FBXL7: variants seen among roughly 807,000 people sequenced by gnomAD.
FBXL7 encodes F-box and leucine rich repeat protein 7.
A neutral mutation model predicts 38.3 loss-of-function variants in FBXL7; 12 were observed. The observed-to-expected ratio is 0.31, with a 90% confidence interval of 0.20 to 0.51. The LOEUF (loss-of-function observed/expected upper bound fraction) is 0.51, where lower values mean the gene tolerates loss of function less well. Ranked by LOEUF, FBXL7 falls within the 20% of genes least tolerant of loss-of-function variation. The probability of loss-of-function intolerance (pLI) is 0.98; values close to 1 mark genes in which losing one functional copy is unlikely to be tolerated. For synonymous variants in FBXL7, 297 were observed against 300.9 expected (o/e 0.99, Z 0.13); for missense variants, 567 against 676.4 (o/e 0.84, Z 1.79).
chr5:15,756,950 T>C (rs527844889), intron 2 of FBXL7, among the ~76,000 whole-genome samples: 1 of 152,276 alleles, frequency 6.6e-6, no homozygotes, highest in South Asian at 2.1e-4. Flanking sequence ...TCTGTAAAAA[T>C]CAGGGCCAAT....
chr5:15,671,352 A>G (rs1475466400), intron 2 of FBXL7, among the ~76,000 whole-genome samples: 2 of 152,200 alleles, frequency 1.3e-5, no homozygotes, highest in East Asian at 3.9e-4. Flanking sequence ...CACACTGAGC[A>G]CTGGATATTT....
At chr5:15,652,067 G>A (rs1408338572) in intron 2 of FBXL7, among the ~76,000 whole-genome samples, 5 of 152,124 alleles carry the variant, frequency 3.3e-5, no homozygotes, top group African/African-American at 1.2e-4. Context: ...TTCTTCTGCA[G>A]CATTCTCACT....
At chr5:15,597,658 C>T (rs983035855) in intron 1 of FBXL7, among the ~76,000 whole-genome samples, 2 of 148,186 alleles carry the variant, frequency 1.3e-5, no homozygotes, top group African/African-American at 4.9e-5. Flanking sequence ...AGCTTCAATC[C>T]CTGGCCCTGT....
Position 15,575,565 on chromosome 5 carries a change from G to A in FBXL7, c.38-40418G>A, listed in dbSNP as rs114199784. ...TTAGATTAGATGTTCCCATTCTGGT[G>A]GCTTCATATTATAAGTCTGTGATAA... On this transcript the variant is annotated intron_variant, in intron 1 of 3. Transcript: ENST00000504595. Among the ~76,000 whole-genome samples the A allele has an allele frequency of 4.1e-3, 620 of 152,262 alleles. 10 individuals carry two copies. The highest frequency in any genetic ancestry group is 0.038 in the South Asian group (184 of 4,828).
intron 1 of FBXL7, among the ~76,000 whole-genome samples, chr5:15,524,130 CT>C (rs796999903): frequency 9.9e-5 from 15 of 152,106 alleles, no homozygotes; most frequent in Middle Eastern, 3.4e-3. Flanking sequence ...ATTTTATGCA[CT>C]TTTTTTTCCC....
chr5:15,809,287 A>C (rs1429913649), intron 2 of FBXL7, among the ~76,000 whole-genome samples: 1 of 151,938 alleles, frequency 6.6e-6, no homozygotes, highest in Non-Finnish European at 1.5e-5. Context: ...GAACTTGCAG[A>C]CTCCTTCAGG....
At chr5:15,795,614 G>A (rs1455947974) in intron 2 of FBXL7, among the ~76,000 whole-genome samples, 4 of 152,208 alleles carry the variant, frequency 2.6e-5, no homozygotes, top group African/African-American at 9.6e-5. Flanking sequence ...CTCAGTCACA[G>A]AGTTATCTGC....
In FBXL7 at chr5:15,927,938, T is replaced by G. The variant is rs1022394934; in HGVS notation, c.176T>G (p.Ile59Arg). ...RTLSTPSPAL[I>R]CPPNLPGFQN... ...CTGAGCACGCCCAGCCCAGCCCTGA[T>G]ATGTCCACCGAATCTCCCAGGATTT... Residue 59 changes from isoleucine (I) to arginine (R), a missense_variant, in exon 3 of 4, where the codon ATA (isoleucine) becomes AGA (arginine). Coordinates refer to ENST00000504595, the MANE Select transcript of FBXL7 (RefSeq NM_012304.5). 4.5e-6 allele frequency: 7 copies of G among 1,560,620 alleles called. No individual in the cohort carries two copies. Among genetic ancestry groups the G allele is most frequent in the Non-Finnish European group, 6.1e-6 (7 of 1,151,770 alleles).
Position 15,629,036 on chromosome 5 carries a change from G to C in FBXL7, c.127+12964G>C, listed in dbSNP as rs116197107. Among the ~76,000 whole-genome samples, 1,437 of 152,142 alleles carry C rather than the reference G, an allele frequency of 9.4e-3. 24 individuals are homozygous for C. The highest frequency in any genetic ancestry group is 0.033 in the African/African-American group (1,379 of 41,500). ...CTCATGCATGTAATCTGTGCACTTT[G>C]GGAGGCTGAGGTGGGAGGGTTGCTT... On this transcript the variant is annotated intron_variant, in intron 2 of 3. Coordinates refer to ENST00000504595, the MANE Select transcript of FBXL7 (RefSeq NM_012304.5).
chr5:15,837,349 T>C (rs1165912505), intron 2 of FBXL7, among the ~76,000 whole-genome samples: 1 of 152,186 alleles, frequency 6.6e-6, no homozygotes, highest in Non-Finnish European at 1.5e-5. Context: ...TCAAAGTTCA[T>C]AGAAGAAATT....
At chr5:15,861,552 A>AT (rs527575250) in intron 2 of FBXL7, among the ~76,000 whole-genome samples, 101 of 152,350 alleles carry the variant, frequency 6.6e-4, no homozygotes, top group African/African-American at 2.4e-3. Context: ...GCCACTGAGC[A>AT]TAGAGGACTG....
At chr5:15,680,471 T>A (rs552367442) in intron 2 of FBXL7, among the ~76,000 whole-genome samples, 1 of 152,192 alleles carries the variant, frequency 6.6e-6, no homozygotes, top group East Asian at 1.9e-4. Context: ...TCCTGACTTA[T>A]AACCAAATAG....
chr5:15,879,302 C>T (rs1740344622), intron 2 of FBXL7, among the ~76,000 whole-genome samples: 1 of 152,114 alleles, frequency 6.6e-6, no homozygotes. Flanking sequence ...GGTTTAATCT[C>T]CTTCTTTCTA....
intron 2 of FBXL7, among the ~76,000 whole-genome samples, chr5:15,834,430 A>G (rs954115001): frequency 6.6e-6 from 1 of 152,126 alleles, no homozygotes; most frequent in African/African-American, 2.4e-5. Context: ...TGGCTCCCTC[A>G]TTAAGGTGTT....
chr5:15,665,359 C>T (rs1371166006), intron 2 of FBXL7, among the ~76,000 whole-genome samples: 1 of 152,174 alleles, frequency 6.6e-6, no homozygotes, highest in African/African-American at 2.4e-5. Flanking sequence ...AAAACCATGA[C>T]ATTTTACGTG....
chr5:15,626,395 G>T (rs1740819218), intron 2 of FBXL7, among the ~76,000 whole-genome samples: 1 of 152,136 alleles, frequency 6.6e-6, no homozygotes, highest in African/African-American at 2.4e-5. Flanking sequence ...CAGAAAATTG[G>T]TTTGTAAGCC....
chr5:15,542,884 T>G (rs1447390706), intron 1 of FBXL7, among the ~76,000 whole-genome samples: 1 of 152,230 alleles, frequency 6.6e-6, no homozygotes, highest in Admixed American at 6.5e-5. Flanking sequence ...ATCAGAGTTG[T>G]GCTTTCAGAG....
At chr5:15,696,058 T>C (rs1057243356) in intron 2 of FBXL7, among the ~76,000 whole-genome samples, 3 of 152,184 alleles carry the variant, frequency 2.0e-5, no homozygotes, top group African/African-American at 7.2e-5. Flanking sequence ...CTTTGCTACT[T>C]TTTGTTACTT....
At chr5:15,601,657 C>G (rs1739796814) in intron 1 of FBXL7, among the ~76,000 whole-genome samples, 1 of 152,176 alleles carries the variant, frequency 6.6e-6, no homozygotes, top group African/African-American at 2.4e-5. Context: ...TTTGAGATTT[C>G]TAGCATTCCA....
Sources: allele counts gnomAD v4.1 joint callset (sites outside exome capture counted in the v4.1 genomes callset), GRCh38; gene constraint gnomAD v4.1.1; transcripts MANE v1.5; gene names NCBI Gene and HGNC (gene_info 2026-07-23, HGNC 2026-07-21).